HACE1: variants seen among roughly 807,000 people sequenced by gnomAD.
HACE1 encodes HECT domain and ankyrin repeat containing E3 ubiquitin protein ligase 1.
In HACE1, 73 loss-of-function variants were observed where a neutral mutation model predicts 118.4. That is an observed-to-expected ratio of 0.62 (90% CI 0.51 to 0.75). HACE1 has a LOEUF of 0.75. HACE1 is among the 30% of genes least tolerant of loss of function. The probability of loss-of-function intolerance (pLI) is 0.00; values close to 1 mark genes in which losing one functional copy is unlikely to be tolerated. For missense variants in HACE1, 749 were observed against 1,102.2 expected (o/e 0.68, Z 4.54); for synonymous variants, 368 against 374.8 (o/e 0.98, Z 0.21).
chr6:104,739,601 C>A (rs1332900218), intron 22 of HACE1, among the ~76,000 whole-genome samples: 3 of 152,016 alleles, frequency 2.0e-5, no homozygotes, highest in Non-Finnish European at 4.4e-5. Context: ...GGGATCAATT[C>A]AACAAGAAGA....
At chr6:104,745,711 G>T (rs1346609156) in intron 20 of HACE1, among the ~76,000 whole-genome samples, 2 of 151,922 alleles carry the variant, frequency 1.3e-5, no homozygotes, top group East Asian at 1.9e-4. Context: ...AAAGTGCTGG[G>T]ATTACAGGCG....
intron 22 of HACE1, 190 bp from the exon 23 acceptor site, chr6:104,730,606 G>A: frequency 1.7e-6 from 1 of 579,004 alleles, no homozygotes; most frequent in South Asian, 1.9e-5. Flanking sequence ...CTTCCATGGA[G>A]ACACCCCTCC....
At chr6:104,816,866 T>C (rs374359450) in intron 6 of HACE1, among the ~76,000 whole-genome samples, 2 of 152,220 alleles carry the variant, frequency 1.3e-5, no homozygotes, top group African/African-American at 2.4e-5. Flanking sequence ...CATGCATCAG[T>C]GTGCCCTGGA....
intron 7 of HACE1, among the ~76,000 whole-genome samples, chr6:104,798,297 C>T (rs1024053670): frequency 3.9e-5 from 6 of 152,084 alleles, no homozygotes; most frequent in Non-Finnish European, 5.9e-5. Context: ...AAACACTACA[C>T]AGATTTCTCA....
chr6:104,791,334 T>C (rs148118608), intron 11 of HACE1, among the ~76,000 whole-genome samples, 170 bp downstream of exon 11: 1 of 152,334 alleles, frequency 6.6e-6, no homozygotes, highest in African/African-American at 2.4e-5. Flanking sequence ...ACCAACTTGC[T>C]GTTGATTAGA....
At chr6:104,738,837 G>A (rs958268763) in intron 22 of HACE1, among the ~76,000 whole-genome samples, 2 of 149,884 alleles carry the variant, frequency 1.3e-5, no homozygotes, top group African/African-American at 2.5e-5. Flanking sequence ...GATACTCCTC[G>A]AGAAGAGCAA....
intron 6 of HACE1, among the ~76,000 whole-genome samples, chr6:104,828,883 T>C (rs1773588454): frequency 6.6e-6 from 1 of 152,058 alleles, no homozygotes; most frequent in Non-Finnish European, 1.5e-5. Context: ...TTTAGCTATA[T>C]ATTCTACAAA....
At chr6:104,791,377 T>C (rs973748155) in intron 11 of HACE1, 127 bp downstream of exon 11, 1 of 798,550 alleles carries the variant, frequency 1.3e-6, no homozygotes, top group Non-Finnish European at 2.2e-6. Context: ...TGCCTAATTT[T>C]GAAAGTGATA....
intron 22 of HACE1, among the ~76,000 whole-genome samples, chr6:104,735,174 T>A (rs1354438571): frequency 6.6e-6 from 1 of 152,106 alleles, no homozygotes; most frequent in Non-Finnish European, 1.5e-5. Flanking sequence ...GAAATCTCTA[T>A]ATTTAACTTT....
chr6:104,859,730 C>A lies in HACE1; in HGVS notation c.-88G>T. The A allele has an allele frequency of 8.2e-7, 1 of 1,226,296 alleles. No individual in the cohort carries two copies. The highest frequency in any genetic ancestry group is 1.1e-6 in the Non-Finnish European group (1 of 882,198). 76.0% of individuals were successfully genotyped at this position (1,226,296 alleles called of 1,614,324 possible). On this transcript the variant is annotated 5_prime_UTR_variant, in exon 1 of 24. Transcript: ENST00000262903. ...AGCCCTACATCTCGCCTGGGCCCGT[C>A]CAGCAGGCGGAGACGCGGGCTTGCC...
intron 17 of HACE1, among the ~76,000 whole-genome samples, chr6:104,774,749 TG>T (rs1396230704): frequency 6.6e-6 from 1 of 152,158 alleles, no homozygotes; most frequent in Non-Finnish European, 1.5e-5. Context: ...GCCCCAAGAT[TG>T]TATCAAAAGA....
intron 6 of HACE1, among the ~76,000 whole-genome samples, chr6:104,827,458 A>G (rs1278311341): frequency 1.3e-5 from 2 of 152,134 alleles, no homozygotes; most frequent in African/African-American, 2.4e-5. Context: ...ACCTTCACCT[A>G]TTGAGAACTT....
At chr6:104,777,631 C>A (rs1446034656) in intron 14 of HACE1, among the ~76,000 whole-genome samples, 4 of 146,630 alleles carry the variant, frequency 2.7e-5, no homozygotes, top group African/African-American at 5.2e-5. Flanking sequence ...ATTCTCAATT[C>A]TTTTAAATCC....
chr6:104,807,726 T>C (rs541249761), intron 7 of HACE1, among the ~76,000 whole-genome samples: 1 of 152,298 alleles, frequency 6.6e-6, no homozygotes, highest in African/African-American at 2.4e-5. Flanking sequence ...AATGTGTGCC[T>C]ATATTTTACA....
At chr6:104,783,040 G>C (rs1781906640) in intron 14 of HACE1, among the ~76,000 whole-genome samples, 1 of 152,180 alleles carries the variant, frequency 6.6e-6, no homozygotes, top group African/African-American at 2.4e-5. Context: ...ATCATTGGAT[G>C]ACCTCAATCT....
chr6:104,746,075 C>T (rs538746493), intron 20 of HACE1, among the ~76,000 whole-genome samples: 2 of 152,284 alleles, frequency 1.3e-5, no homozygotes, highest in East Asian at 3.9e-4. Context: ...TACCAGTCTT[C>T]CCACTGTTTC....
chr6:104,780,008 A>G (rs1781561677), intron 14 of HACE1, among the ~76,000 whole-genome samples: 2 of 152,136 alleles, frequency 1.3e-5, no homozygotes, highest in Non-Finnish European at 2.9e-5. Flanking sequence ...TTTACCAAAG[A>G]GAAAAATACA....
intron 4 of HACE1, among the ~76,000 whole-genome samples, chr6:104,844,469 G>A (rs140984762): frequency 0.01 from 1,502 of 148,630 alleles, 21 homozygotes; most frequent in African/African-American, 0.036. Context: ...TCAGCCTCTC[G>A]AGTAGCTGGG....
chr6:104,774,393 CT>C (rs1160033149), intron 17 of HACE1, among the ~76,000 whole-genome samples: 13 of 73,722 alleles, frequency 1.8e-4, no homozygotes, highest in Non-Finnish European at 1.6e-4. Context: ...CCCGGCCTCT[CT>C]TTTTTTTTTG....
Sources: gnomAD v4.1 joint callset for allele counts (sites outside exome capture counted in the v4.1 genomes callset) on GRCh38, gnomAD v4.1.1 for gene constraint, MANE v1.5 for transcripts, NCBI Gene and HGNC (gene_info 2026-07-23, HGNC 2026-07-21) for gene names.